The following SESN3 variants were observed in gnomAD, a reference collection of about 807,000 sequenced individuals.
The protein encoded by SESN3 is sestrin-3.
In SESN3, 21 loss-of-function variants were observed where a neutral mutation model predicts 55.3. That is an observed-to-expected ratio of 0.38 (90% CI 0.27 to 0.55). The LOEUF is 0.55. Ranked by LOEUF, SESN3 falls within the 20% of genes least tolerant of loss-of-function variation. SESN3 has a pLI of 0.76. For synonymous variants in SESN3, 181 were observed against 203.1 expected (o/e 0.89, Z 0.93); for missense variants, 408 against 604.3 (o/e 0.68, Z 3.41).
In SESN3 at chr11:95,172,465, T is replaced by C. The variant is rs1318603290; in HGVS notation, c.*790A>G. ...TATTTAAGGTGACTGAGGATTACTG[T>C]CAGTGATAGGATTGTGTTATAATTC... On this transcript the variant is annotated 3_prime_UTR_variant, in exon 10 of 10. Coordinates refer to ENST00000536441, the MANE Select transcript of SESN3 (RefSeq NM_144665.4). 5 of 152,168 alleles carry C rather than the reference T, an allele frequency of 3.3e-5. No homozygotes were observed. Among genetic ancestry groups the C allele is most frequent in the Admixed American group, 2.6e-4 (4 of 15,276 alleles). The allele number at this position is 152,168 out of a possible 1,614,324, so 9.4% of individuals were successfully genotyped here. A position where few individuals can be genotyped will look rare whatever the true frequency, so the allele number is the denominator to read the frequency against.
rs548374247 is a variant in SESN3 at position 95,230,733 on chromosome 11, G to A, written c.78+50C>T. 1,079 of 1,457,502 alleles carry A rather than the reference G, an allele frequency of 7.4e-4. 3 individuals carry two copies. Among genetic ancestry groups the A allele is most frequent in the Admixed American group, 1.4e-3 (80 of 56,704 alleles). The allele number at this position is 1,457,502 out of a possible 1,614,324, so 90.3% of individuals were successfully genotyped here. ...CCCGGGGACGAGCCGCCCGAGCCCC[G>A]GCCGGCAGGAAGCGACCCTCGCCGG... On this transcript the variant is annotated intron_variant, in intron 1 of 9. Coordinates refer to ENST00000536441, the MANE Select transcript of SESN3 (RefSeq NM_144665.4). The surrounding 1 kb of genome is among the most constrained non-coding windows in gnomAD (Gnocchi z 4.6).
intron 1 of SESN3, among the ~76,000 whole-genome samples, chr11:95,213,913 TA>T (rs1860704740): frequency 6.6e-6 from 1 of 151,722 alleles, no homozygotes. Flanking sequence ...AATACTCAAA[TA>T]AAAAGTCCTA....
intron 1 of SESN3, among the ~76,000 whole-genome samples, chr11:95,229,036 G>A (rs1591084521): frequency 6.6e-6 from 1 of 152,084 alleles, no homozygotes; most frequent in South Asian, 2.1e-4. Flanking sequence ...AATTGCCAGA[G>A]CCATTAAAAA....
rs1280948634 is a variant in SESN3 at position 95,172,224 on chromosome 11, ACTGT to A, written c.*1027_*1030del. ...CACAATTTTTACCTTTGAAAAATAA[ACTGT>A]CTAACCTATTATAAGAACAAAAGTC... On this transcript the variant is annotated 3_prime_UTR_variant, in exon 10 of 10. Transcript: ENST00000536441. The A allele has an allele frequency of 6.6e-6, 1 of 152,206 alleles. No homozygotes were observed. Among genetic ancestry groups the A allele is most frequent in the Non-Finnish European group, 1.5e-5 (1 of 68,014 alleles). 9.4% of individuals were successfully genotyped at this position (152,206 alleles called of 1,614,324 possible).
At chr11:95,206,517 T>C (rs558659393) in intron 1 of SESN3, among the ~76,000 whole-genome samples, 189 of 152,260 alleles carry the variant, frequency 1.2e-3, no homozygotes, top group Middle Eastern at 3.4e-3. Context: ...GCTATAATTA[T>C]GCTATAATTA....
intron 1 of SESN3, among the ~76,000 whole-genome samples, chr11:95,223,134 G>A (rs1860888066): frequency 6.6e-6 from 1 of 151,948 alleles, no homozygotes; most frequent in Non-Finnish European, 1.5e-5. Context: ...CATAGCTTTT[G>A]TGTATAGTGT....
intron 6 of SESN3, among the ~76,000 whole-genome samples, chr11:95,179,217 C>T (rs377231975): frequency 6.6e-5 from 10 of 151,474 alleles, no homozygotes; most frequent in African/African-American, 9.7e-5. Context: ...TGCAGTGGCG[C>T]GATCTTAGCT....
chr11:95,182,814 T>C (rs646667), intron 6 of SESN3, among the ~76,000 whole-genome samples: 11,717 of 152,194 alleles, frequency 0.077, 919 homozygotes, highest in East Asian at 0.31. Flanking sequence ...ACAGAACCAC[T>C]TGTTCTTGGA....
rs895834966 is a variant in SESN3, at chr11:95,173,146, T to C, written c.*109A>G. 1.7e-6 allele frequency: 1 copy of C among 593,694 alleles called. No homozygotes were observed. Among genetic ancestry groups the C allele is most frequent in the Non-Finnish European group, 2.9e-6 (1 of 342,348 alleles). The allele number at this position is 593,694 out of a possible 1,614,324, so 36.8% of individuals were successfully genotyped here. On this transcript the variant is annotated 3_prime_UTR_variant, in exon 10 of 10. Coordinates refer to ENST00000536441, the MANE Select transcript of SESN3 (RefSeq NM_144665.4). ...AAAAAAAAAAACAAACGGCTAAACT[T>C]TGACACTAGAGAACTGAATAATTTT... is the stretch of plus-strand genomic sequence containing the variant.
Position 95,178,795 on chromosome 11 carries a change from A to G in SESN3, c.971T>C (p.Val324Ala), listed in dbSNP as rs1591047171. The G allele has an allele frequency of 1.2e-6, 2 of 1,609,554 alleles. No individual in the cohort carries two copies. Among genetic ancestry groups the G allele is most frequent in the East Asian group, 2.2e-5 (1 of 44,812 alleles). ...FEDDMIITSD[V>A]SRYIEDPGFG... ...ACCAGGGTCTTCAATATATCGAGAG[A>G]CATCAGATGTTATAATCATGTCATC... The change falls in exon 7 of 10, where the codon GTC (valine) becomes GCC (alanine). Residue 324 changes from valine to alanine, a missense_variant. Transcript: ENST00000536441.
rs1163418852 is a variant in SESN3, at chr11:95,185,412, A to G, written c.606T>C (p.Ala202=). The G allele has an allele frequency of 6.2e-7, 1 of 1,613,254 alleles. No individual in the cohort carries two copies. Among genetic ancestry groups the G allele is most frequent in the Non-Finnish European group, 8.5e-7 (1 of 1,179,488 alleles). ...CACTACCAAAAACAAAGCTTGCCAA[A>G]GCATGATAATGTGCCAGGAGGACCA... ...HAVVLLAHYH[A]LASFVFGSGI... The change falls in exon 5 of 10, where the codon GCT becomes GCC. Residue 202 remains alanine (A), a synonymous_variant. Coordinates refer to ENST00000536441, the MANE Select transcript of SESN3 (RefSeq NM_144665.4).
intron 1 of SESN3, among the ~76,000 whole-genome samples, chr11:95,194,113 T>C (rs745906238): frequency 5.9e-5 from 9 of 152,124 alleles, no homozygotes; most frequent in African/African-American, 9.7e-5. Flanking sequence ...AACTGACAGA[T>C]TGCCAATGGT....
At chr11:95,174,501 A>G (rs1859917000) in intron 9 of SESN3, among the ~76,000 whole-genome samples, 1 of 152,008 alleles carries the variant, frequency 6.6e-6, no homozygotes, top group African/African-American at 2.4e-5. Context: ...CTTTTTTTCG[A>G]GAGATGAAGT....
At chr11:95,173,469 A>T (rs1197675006) in intron 9 of SESN3, 128 bp from the exon 10 acceptor site, 6 of 474,250 alleles carry the variant, frequency 1.3e-5, no homozygotes, top group Non-Finnish European at 1.9e-5. Context: ...AGGCATATTT[A>T]TCCATGTTCA....
Position 95,173,053 on chromosome 11 carries a change from A to G in SESN3, c.*202T>C, listed in dbSNP as rs1859881621. ...AGTGCTCCTCAGTATTATTTTTGCA[A>G]TTGTTAGTAATGTTAAGCATCAAGG... On this transcript the variant is annotated 3_prime_UTR_variant, in exon 10 of 10. Transcript: ENST00000536441. 3 of 452,796 alleles carry G rather than the reference A, an allele frequency of 6.6e-6. No individual in the cohort carries two copies. The East Asian group carries it at 8.8e-5, about 13-fold the overall frequency. The allele number at this position is 452,796 out of a possible 1,614,324, so 28.0% of individuals were successfully genotyped here.
intron 9 of SESN3, among the ~76,000 whole-genome samples, chr11:95,173,950 TTAATATTATATTC>T (rs1243662514): frequency 6.6e-6 from 1 of 152,158 alleles, no homozygotes; most frequent in Non-Finnish European, 1.5e-5. Context: ...AAAATATGTT[TTAATATTATATTC>T]TTTTGATATA....
chr11:95,175,643 C>T lies in SESN3; in HGVS notation c.1248-1G>A. On this transcript the variant is annotated splice_acceptor_variant, in intron 8 of 9. Transcript: ENST00000536441. LOFTEE classifies it high-confidence loss of function. ...TTCTCCATAATCATAGTCATCATACCTACGAGCAATACAACAATAGCTTTA... is the reference window on the plus strand; with the variant it reads ...TTCTCCATAATCATAGTCATCATACTTACGAGCAATACAACAATAGCTTTA... 1 of 1,609,458 alleles carries T rather than the reference C, an allele frequency of 6.2e-7. No individual in the cohort carries two copies.
chr11:95,198,714 T>A (rs1565469244), intron 1 of SESN3, among the ~76,000 whole-genome samples: 1 of 152,204 alleles, frequency 6.6e-6, no homozygotes. Context: ...AGTTAAGAAT[T>A]TAGAGTTCAA....
intron 3 of SESN3, among the ~76,000 whole-genome samples, chr11:95,190,218 G>A (rs1430894471): frequency 6.6e-6 from 1 of 151,842 alleles, no homozygotes; most frequent in African/African-American, 2.4e-5. Context: ...TTAAGCCATA[G>A]CCCACTTTCT....
Sources: gnomAD v4.1 joint callset for allele counts (sites outside exome capture counted in the v4.1 genomes callset) on GRCh38, gnomAD v4.1.1 for gene constraint, Gnocchi (gnomAD v3.1) non-coding constraint, MANE v1.5 for transcripts, NCBI Gene and HGNC (gene_info 2026-07-23, HGNC 2026-07-21) for gene names.